The following GALNT13 variants were observed in gnomAD, a reference collection of about 807,000 sequenced individuals.
The protein encoded by GALNT13 is UDP-GalNAc:polypeptide N-acetylgalactosaminyltransferase 13.
GALNT13 carries 28 observed loss-of-function variants against 64.2 expected under a neutral mutation model. That is an observed-to-expected ratio of 0.44 (90% CI 0.32 to 0.60). The LOEUF (loss-of-function observed/expected upper bound fraction) is 0.60, where lower values mean the gene tolerates loss of function less well. Among genes scored for constraint, GALNT13 ranks in the 20% least tolerant of loss-of-function variants. The pLI, the probability that GALNT13 is intolerant of heterozygous loss-of-function variation, is 0.05. For synonymous variants in GALNT13, 214 were observed against 224.6 expected, an observed-to-expected ratio of 0.95 and a Z score of 0.42; for missense variants, 577 against 669.8, an observed-to-expected ratio of 0.86 and a Z score of 1.53.
At chr2:154,430,745 T>C (rs1464176933) in intron 11 of GALNT13, among the ~76,000 whole-genome samples, 2 of 152,160 alleles carry the variant, frequency 1.3e-5, no homozygotes, top group Non-Finnish European at 2.9e-5. Context: ...TGTGATAAAC[T>C]TCATTGTTGT....
At chr2:153,569,530 A>G in the GALNT13 span, among the ~76,000 whole-genome samples, 1 of 150,514 alleles carries the variant, frequency 6.6e-6, no homozygotes, top group Non-Finnish European at 1.5e-5. Flanking sequence ...TTTTTTTAAA[A>G]AAAATCTTTT....
At chr2:153,443,670 C>T in the GALNT13 span, among the ~76,000 whole-genome samples, 2 of 152,148 alleles carry the variant, frequency 1.3e-5, no homozygotes, top group Non-Finnish European at 2.9e-5. Flanking sequence ...CACCTGTAAT[C>T]CCAGCACTTT....
chr2:154,437,712 C>T (rs1701054890), intron 11 of GALNT13: 3 of 429,732 alleles, frequency 7.0e-6, no homozygotes, highest in South Asian at 5.0e-5. Context: ...AACATTAGGC[C>T]GGCATGGTGG....
chr2:153,511,253 G>C, the GALNT13 span, among the ~76,000 whole-genome samples: 1 of 151,678 alleles, frequency 6.6e-6, no homozygotes, highest in Non-Finnish European at 1.5e-5. Flanking sequence ...AGATGTCCTG[G>C]AATGTGGTGG....
chr2:154,039,405 A>G (rs958038867), intron 3 of GALNT13, among the ~76,000 whole-genome samples: 4 of 140,730 alleles, frequency 2.8e-5, no homozygotes, highest in African/African-American at 9.8e-5. Flanking sequence ...TGTGGTATGT[A>G]TACACAATGG....
At chr2:153,257,214 T>C in the GALNT13 span, among the ~76,000 whole-genome samples, 86 of 152,294 alleles carry the variant, frequency 5.6e-4, 1 homozygote, top group African/African-American at 1.7e-3. Flanking sequence ...GACCTGATTT[T>C]CCAGGTGCCG....
chr2:153,695,154 C>T, the GALNT13 span, among the ~76,000 whole-genome samples: 1 of 152,104 alleles, frequency 6.6e-6, no homozygotes, highest in South Asian at 2.1e-4. Flanking sequence ...TGGGGAAGCT[C>T]AACAGAGACT....
chr2:153,614,447 A>T, the GALNT13 span, among the ~76,000 whole-genome samples: 1 of 151,950 alleles, frequency 6.6e-6, no homozygotes, highest in Non-Finnish European at 1.5e-5. Context: ...AGAGGTAATG[A>T]CTGGATTTCT....
the GALNT13 span, among the ~76,000 whole-genome samples, chr2:153,225,629 CA>C: frequency 6.6e-6 from 1 of 152,032 alleles, no homozygotes; most frequent in South Asian, 2.1e-4. Context: ...ATAAATACAG[CA>C]AGGTCACAGG....
chr2:153,618,745 A>G, the GALNT13 span, among the ~76,000 whole-genome samples: 1 of 151,892 alleles, frequency 6.6e-6, no homozygotes, highest in South Asian at 2.1e-4. Flanking sequence ...CTCCTTGCTC[A>G]ATTGACCCTT....
At chr2:154,290,882 T>C (rs1453866354) in intron 8 of GALNT13, among the ~76,000 whole-genome samples, 2 of 151,968 alleles carry the variant, frequency 1.3e-5, no homozygotes, top group Non-Finnish European at 2.9e-5. Context: ...TTACAGCTCT[T>C]AAAGGTGGCG....
chr2:153,941,238 C>T (rs992416586), intron 2 of GALNT13, among the ~76,000 whole-genome samples: 2 of 151,990 alleles, frequency 1.3e-5, no homozygotes, highest in Non-Finnish European at 2.9e-5. Flanking sequence ...TCAGATGATC[C>T]GCCCGCCTCA....
chr2:154,270,920 A>G (rs1360390443), intron 8 of GALNT13, among the ~76,000 whole-genome samples: 1 of 151,934 alleles, frequency 6.6e-6, no homozygotes, highest in African/African-American at 2.4e-5. Context: ...ATAGAGTATC[A>G]TTTGGGGTTT....
chr2:154,258,581 A>G (rs1690511875), intron 7 of GALNT13, among the ~76,000 whole-genome samples: 2 of 152,040 alleles, frequency 1.3e-5, no homozygotes, highest in South Asian at 2.1e-4. Context: ...TAAATAGGCT[A>G]TGGATCTTTT....
intron 10 of GALNT13, among the ~76,000 whole-genome samples, chr2:154,405,864 T>TA (rs1232179692): frequency 6.6e-6 from 1 of 151,962 alleles, no homozygotes; most frequent in African/African-American, 2.4e-5. Flanking sequence ...ACTTAAAAGA[T>TA]AAAAAAATCA....
chr2:154,208,256 T>C (rs1687573829), intron 4 of GALNT13, among the ~76,000 whole-genome samples: 1 of 152,214 alleles, frequency 6.6e-6, no homozygotes, highest in African/African-American at 2.4e-5. Context: ...GTAAGCATAA[T>C]ATATTGTTAT....
the GALNT13 span, among the ~76,000 whole-genome samples, chr2:153,242,919 C>G: frequency 6.6e-6 from 1 of 152,282 alleles, no homozygotes; most frequent in Admixed American, 6.5e-5. Context: ...AGGCTCTGTT[C>G]TGTTTTGCAT....
At chr2:154,216,256 A>G (rs1688035223) in intron 4 of GALNT13, among the ~76,000 whole-genome samples, 1 of 152,112 alleles carries the variant, frequency 6.6e-6, no homozygotes, top group Non-Finnish European at 1.5e-5. Context: ...TATCATGAAC[A>G]TTGACAGCTG....
chr2:153,097,793 C>T, the GALNT13 span, among the ~76,000 whole-genome samples: 27 of 152,204 alleles, frequency 1.8e-4, no homozygotes, highest in Middle Eastern at 3.4e-3. Flanking sequence ...GTTTCCAGCC[C>T]GGCACAGTGG....
Sources: gnomAD v4.1 joint callset for allele counts (sites outside exome capture counted in the v4.1 genomes callset) on GRCh38, gnomAD v4.1.1 for gene constraint, MANE v1.5 for transcripts, NCBI Gene and HGNC (gene_info 2026-07-23, HGNC 2026-07-21) for gene names.